Variants in ZFHX3 observed in about 807,000 individuals in gnomAD.
The protein encoded by ZFHX3 is zinc finger homeobox 3.
Under a neutral mutation model 279.1 loss-of-function variants are expected in ZFHX3, and 42 were observed. The observed-to-expected ratio is 0.15, with a 90% CI of 0.12 to 0.19. The LOEUF (loss-of-function observed/expected upper bound fraction) is 0.19, where lower values mean the gene tolerates loss of function less well. Among genes scored for constraint, ZFHX3 ranks in the 10% least tolerant of loss-of-function variants. The pLI is 1.00. For missense variants in ZFHX3, 4,981 were observed against 4,754.0 expected, an observed-to-expected ratio of 1.05 and a Z score of -1.40; for synonymous variants, 2,293 against 1,957.8, an observed-to-expected ratio of 1.17 and a Z score of -4.52.
intron 8 of ZFHX3, among the ~76,000 whole-genome samples, chr16:73,090,063 C>T (rs1283411897): frequency 1.3e-5 from 2 of 152,160 alleles, no homozygotes; most frequent in African/African-American, 2.4e-5. Flanking sequence ...TTTCCTAATC[C>T]GTGCTCTCCA....
intron 3 of ZFHX3, among the ~76,000 whole-genome samples, chr16:73,357,889 C>T (rs145559320): frequency 2.7e-4 from 41 of 152,306 alleles, no homozygotes; most frequent in African/African-American, 9.9e-4. Context: ...TGTCTAATAT[C>T]CTTCAGGGAC....
chr16:72,851,659 A>G (rs370217636), intron 4 of ZFHX3, among the ~76,000 whole-genome samples: 56 of 151,698 alleles, frequency 3.7e-4, no homozygotes, highest in African/African-American at 1.2e-3. Flanking sequence ...GGTTCAAGAG[A>G]TTCTCCTGCC....
chr16:73,549,177 T>C, intron 2 of ZFHX3, among the ~76,000 whole-genome samples: 1 of 151,540 alleles, frequency 6.6e-6, no homozygotes, highest in East Asian at 1.9e-4. Flanking sequence ...AATAGAAATG[T>C]TTTTTTTCCT....
chr16:72,983,100 G>T (rs998751126), intron 1 of ZFHX3, among the ~76,000 whole-genome samples: 1 of 152,150 alleles, frequency 6.6e-6, no homozygotes, highest in South Asian at 2.1e-4. Context: ...CTATGGGTGT[G>T]AGCAGTTTCT....
chr16:73,127,848 G>A (rs1966598499), intron 7 of ZFHX3, among the ~76,000 whole-genome samples: 1 of 152,176 alleles, frequency 6.6e-6, no homozygotes, highest in Admixed American at 6.5e-5. Context: ...CCCTCGGAAG[G>A]ATTGTAATTC....
At chr16:73,304,534 A>C (rs2015134935) in intron 4 of ZFHX3, among the ~76,000 whole-genome samples, 2 of 150,642 alleles carry the variant, frequency 1.3e-5, no homozygotes, top group Non-Finnish European at 3.0e-5. Flanking sequence ...CCCATCCCCC[A>C]CTCTCTCCCC....
At chr16:73,124,438 C>T (rs1343998629) in intron 7 of ZFHX3, among the ~76,000 whole-genome samples, 2 of 152,294 alleles carry the variant, frequency 1.3e-5, no homozygotes, top group East Asian at 3.9e-4. Flanking sequence ...CCAAAGTCCC[C>T]ACCTCCTGAT....
chr16:73,677,003 G>A (rs1397952968), intron 2 of ZFHX3, among the ~76,000 whole-genome samples: 1 of 151,902 alleles, frequency 6.6e-6, no homozygotes, highest in African/African-American at 2.4e-5. Flanking sequence ...ACTTCATAAA[G>A]GACTTTAACA....
At chr16:73,214,394 G>A (rs1473571393) in intron 5 of ZFHX3, among the ~76,000 whole-genome samples, 4 of 151,426 alleles carry the variant, frequency 2.6e-5, no homozygotes, top group Non-Finnish European at 5.9e-5. Flanking sequence ...TTTTTTTTTC[G>A]GTGACTTACG....
intron 2 of ZFHX3, among the ~76,000 whole-genome samples, chr16:73,660,669 C>G (rs1597052655): frequency 6.6e-6 from 1 of 152,070 alleles, no homozygotes; most frequent in East Asian, 1.9e-4. Flanking sequence ...ACGAGAAACA[C>G]AATGAAAACG....
intron 5 of ZFHX3, among the ~76,000 whole-genome samples, chr16:72,824,042 T>G (rs1471240854): frequency 1.3e-5 from 2 of 152,182 alleles, no homozygotes; most frequent in Non-Finnish European, 2.9e-5. Flanking sequence ...GCATCTCTAT[T>G]TATACAAAGC....
chr16:73,770,077 C>G (rs554505900), intron 1 of ZFHX3, among the ~76,000 whole-genome samples: 25 of 152,282 alleles, frequency 1.6e-4, no homozygotes, highest in African/African-American at 5.3e-4. Context: ...CGTTACATGG[C>G]AAAGGAGAAT....
intron 1 of ZFHX3, among the ~76,000 whole-genome samples, chr16:72,978,627 C>CG (rs1164820722): frequency 6.6e-6 from 1 of 152,146 alleles, no homozygotes; most frequent in Non-Finnish European, 1.5e-5. Context: ...GAGCATCGGC[C>CG]GGGGGTGGGA....
intron 2 of ZFHX3, among the ~76,000 whole-genome samples, chr16:73,517,288 T>G (rs963687297): frequency 6.6e-6 from 1 of 152,232 alleles, no homozygotes; most frequent in Non-Finnish European, 1.5e-5. Context: ...CCTCTATGGC[T>G]CACTCATTTC....
intron 1 of ZFHX3, among the ~76,000 whole-genome samples, chr16:73,837,985 G>A (rs1429168657): frequency 1.3e-5 from 2 of 152,196 alleles, no homozygotes; most frequent in African/African-American, 4.8e-5. Flanking sequence ...ATGGTATAGG[G>A]ATAGAAGATT....
chr16:73,193,971 T>C (rs1968093640), intron 5 of ZFHX3, among the ~76,000 whole-genome samples: 1 of 152,190 alleles, frequency 6.6e-6, no homozygotes, highest in Non-Finnish European at 1.5e-5. Context: ...TGAAGCCTGA[T>C]TCGTTTCTGA....
chr16:73,752,759 A>G (rs1045418451), intron 1 of ZFHX3, among the ~76,000 whole-genome samples: 1 of 152,186 alleles, frequency 6.6e-6, no homozygotes, highest in Non-Finnish European at 1.5e-5. Flanking sequence ...ATACCAGGAC[A>G]AGGGGAAATG....
Position 73,095,958 on chromosome 16 carries a change from C to G in ZFHX3, c.-896-2360G>C, listed in dbSNP as rs546539818. ...CAAACTTTCTTTGAAGTTTAACACA[C>G]AGAGGGTGCCTTGAAATCTGAATAA... On this transcript the variant is annotated intron_variant, in intron 7 of 17. Coordinates refer to the ZFHX3 transcript ENST00000641206. Among the ~76,000 whole-genome samples, 4 of 152,298 alleles carry G rather than the reference C, an allele frequency of 2.6e-5. No individual in the cohort carries two copies. In the South Asian group the frequency reaches 8.3e-4, roughly 32 times the overall value.
At chr16:73,321,265 A>C (rs946700882) in intron 3 of ZFHX3, among the ~76,000 whole-genome samples, 5 of 152,176 alleles carry the variant, frequency 3.3e-5, no homozygotes, top group Admixed American at 6.5e-5. Flanking sequence ...AGTACAGGGA[A>C]GCAGGATAGC....
Sources: gnomAD v4.1 joint callset for allele counts (sites outside exome capture counted in the v4.1 genomes callset) on GRCh38, gnomAD v4.1.1 for gene constraint, MANE v1.5 for transcripts, NCBI Gene and HGNC (gene_info 2026-07-23, HGNC 2026-07-21) for gene names.